The following CLIP4 variants were observed in gnomAD, a reference collection of about 807,000 sequenced individuals.
The protein encoded by CLIP4 is CAP-Gly domain containing linker protein family member 4, also known as CAP-Gly domain-containing linker protein 4.
CLIP4 carries 47 observed loss-of-function variants against 73.1 expected under a neutral mutation model. That is an observed-to-expected ratio of 0.64 (90% CI 0.51 to 0.82). The LOEUF (loss-of-function observed/expected upper bound fraction) is 0.82, where lower values mean the gene tolerates loss of function less well. Ranked by LOEUF, CLIP4 falls within the 40% of genes least tolerant of loss-of-function variation. The pLI is 0.00. For missense variants in CLIP4, 874 were observed against 852.9 expected (o/e 1.02, Z -0.31); for synonymous variants, 306 against 295.4 (o/e 1.04, Z -0.37).
At chr2:29,133,323 G>C (rs918511379) in intron 4 of CLIP4, among the ~76,000 whole-genome samples, 2 of 152,206 alleles carry the variant, frequency 1.3e-5, no homozygotes, top group African/African-American at 4.8e-5. Context: ...GAACACGTTT[G>C]GGGGAGCACT....
intron 1 of CLIP4, among the ~76,000 whole-genome samples, chr2:29,105,645 T>C (rs565753292): frequency 1.1e-3 from 175 of 152,364 alleles, no homozygotes; most frequent in Admixed American, 3.5e-3. Context: ...GCTAGACTGC[T>C]AGGGACTAAA....
chr2:29,111,046 A>T (rs1668374607), upstream of CLIP4, among the ~76,000 whole-genome samples: 1 of 152,176 alleles, frequency 6.6e-6, no homozygotes, highest in Non-Finnish European at 1.5e-5. Flanking sequence ...ACTTCCTGGA[A>T]ACTGCATGAA....
rs143495776 is a variant in CLIP4 at position 29,148,298 on chromosome 2, C to A, written c.1021+2931C>A. Among the ~76,000 whole-genome samples the A allele has an allele frequency of 1.3e-3, 197 of 152,290 alleles. 2 individuals are homozygous for A. In the East Asian group the frequency reaches 0.03, roughly 23 times the overall value. ...ACAATGGTTTTCTCTCTTTCCAAAT[C>A]TATCATCTTTTCCCTTTGGCTTGTT... On this transcript the variant is annotated intron_variant, in intron 8 of 15. Coordinates refer to ENST00000320081, the MANE Select transcript of CLIP4 (RefSeq NM_024692.6).
chr2:29,172,382 A>T (rs530862216), intron 14 of CLIP4, among the ~76,000 whole-genome samples: 46 of 152,206 alleles, frequency 3.0e-4, no homozygotes, highest in African/African-American at 1.1e-3. Context: ...TGTCTTTTCC[A>T]ATGATAACTT....
chr2:29,117,408 ATC>A (rs1417927469), intron 1 of CLIP4, among the ~76,000 whole-genome samples: 50 of 147,952 alleles, frequency 3.4e-4, no homozygotes, highest in Admixed American at 2.1e-3. Context: ...CAGTGGCCTG[ATC>A]TCTCCTCACT....
At chr2:29,140,420 T>A (rs1358624893) in intron 6 of CLIP4, among the ~76,000 whole-genome samples, 2 of 152,152 alleles carry the variant, frequency 1.3e-5, no homozygotes, top group African/African-American at 4.8e-5. Context: ...CATCATTTTT[T>A]ATGGCTGCAT....
chr2:29,135,954 A>G (rs777121501), intron 6 of CLIP4, among the ~76,000 whole-genome samples: 1 of 152,164 alleles, frequency 6.6e-6, no homozygotes, highest in Non-Finnish European at 1.5e-5. Flanking sequence ...GTATTTATGA[A>G]AAGTCAGCTG....
At chr2:29,134,074 T>C (rs1665176495) in intron 5 of CLIP4, among the ~76,000 whole-genome samples, 1 of 152,174 alleles carries the variant, frequency 6.6e-6, no homozygotes, top group African/African-American at 2.4e-5. Flanking sequence ...TTCTCCAGTA[T>C]AACACGGATG....
intron 1 of CLIP4, among the ~76,000 whole-genome samples, chr2:29,109,951 G>T (rs911241718): frequency 6.6e-6 from 1 of 152,032 alleles, no homozygotes; most frequent in South Asian, 2.1e-4. Flanking sequence ...CCAGCTACTC[G>T]GTAGGCTGAG....
Position 29,143,638 on chromosome 2 carries a change from A to G in CLIP4, c.649-71A>G, listed in dbSNP as rs1254121799. ...ATGAATTTAACGTAAAGTTCTTCCA[A>G]CAGAAATTTTATATGACTTTCTAGT... is the stretch of plus-strand genomic sequence containing the variant. On this transcript the variant is annotated intron_variant, in intron 6 of 15. Coordinates refer to ENST00000320081, the MANE Select transcript of CLIP4 (RefSeq NM_024692.6). The G allele has an allele frequency of 3.4e-5, 35 of 1,035,516 alleles. No homozygotes were observed. In the East Asian group the frequency reaches 7.9e-4, roughly 23 times the overall value. 64.1% of individuals were successfully genotyped at this position (1,035,516 alleles called of 1,614,324 possible). A position where few individuals can be genotyped will look rare whatever the true frequency, so the allele number is the denominator to read the frequency against.
intron 11 of CLIP4, 139 bp downstream of exon 11, chr2:29,157,486 C>A: frequency 7.4e-7 from 1 of 1,349,162 alleles, no homozygotes; most frequent in Non-Finnish European, 1.0e-6. Context: ...TCCCCACCTC[C>A]CCCGAACCTT....
intron 15 of CLIP4, among the ~76,000 whole-genome samples, chr2:29,179,702 C>G (rs1668540455): frequency 6.6e-6 from 1 of 152,128 alleles, no homozygotes; most frequent in Non-Finnish European, 1.5e-5. Flanking sequence ...GTAATTTTGT[C>G]AGGTTACAAA....
chr2:29,117,434 C>A (rs1404586056), intron 1 of CLIP4, among the ~76,000 whole-genome samples: 2 of 151,750 alleles, frequency 1.3e-5, no homozygotes, highest in Non-Finnish European at 2.9e-5. Flanking sequence ...ATCTCTGCCT[C>A]CCAGGTTCAA....
chr2:29,121,483 T>C lies in CLIP4; in HGVS notation c.95T>C (p.Ile32Thr). 3 of 1,613,866 alleles carry C rather than the reference T, an allele frequency of 1.9e-6. No individual in the cohort carries two copies. The South Asian group carries it at 3.3e-5, about 18-fold the overall frequency. ...FIFSASDTPV[I>T]FSISAAPMPS... ...TTTTCTGCTTCTGATACCCCAGTTATCTTTTCCATTTCTGCAGCACCAATG... is the reference window on the plus strand; with the variant it reads ...TTTTCTGCTTCTGATACCCCAGTTACCTTTTCCATTTCTGCAGCACCAATG... The change falls in exon 2 of 16, where the codon ATC (isoleucine) becomes ACC (threonine). Residue 32 changes from isoleucine to threonine, a missense_variant. Coordinates refer to ENST00000320081, the MANE Select transcript of CLIP4 (RefSeq NM_024692.6).
chr2:29,173,868 C>A (rs557926217), intron 14 of CLIP4, among the ~76,000 whole-genome samples: 2 of 152,160 alleles, frequency 1.3e-5, no homozygotes, highest in East Asian at 3.9e-4. Flanking sequence ...ATCTTTTAAA[C>A]CATTTTATCT....
intron 13 of CLIP4, among the ~76,000 whole-genome samples, chr2:29,166,994 T>C (rs1012003752): frequency 5.3e-5 from 8 of 152,204 alleles, no homozygotes; most frequent in Non-Finnish European, 1.2e-4. Flanking sequence ...AAGTGACCTT[T>C]ATAATTGTGG....
At chr2:29,151,053 T>C (rs935799362) in intron 8 of CLIP4, among the ~76,000 whole-genome samples, 27 of 152,178 alleles carry the variant, frequency 1.8e-4, no homozygotes, top group African/African-American at 6.5e-4. Flanking sequence ...CTCCTACTTA[T>C]GAATAATATT....
intron 14 of CLIP4, 47 bp downstream of exon 14, chr2:29,167,587 C>A (rs1457497998): frequency 1.4e-6 from 2 of 1,452,710 alleles, no homozygotes; most frequent in South Asian, 1.3e-5. Context: ...TCTTTGCTTT[C>A]ATTTATTGAA....
chr2:29,158,984 A>T (rs537493222), intron 11 of CLIP4, among the ~76,000 whole-genome samples: 28 of 152,328 alleles, frequency 1.8e-4, no homozygotes, highest in Non-Finnish European at 4.0e-4. Context: ...TCTACAGGCG[A>T]CAAGGGGACG....
Sources: gnomAD v4.1 joint callset for allele counts (sites outside exome capture counted in the v4.1 genomes callset) on GRCh38, gnomAD v4.1.1 for gene constraint, MANE v1.5 for transcripts, NCBI Gene and HGNC (gene_info 2026-07-23, HGNC 2026-07-21) for gene names.